OR10V1: variants seen among roughly 807,000 people sequenced by gnomAD.
The protein encoded by OR10V1 is olfactory receptor 10V1.
For missense variants in OR10V1, 391 were observed against 378.8 expected (o/e 1.03, Z -0.27); for synonymous variants, 139 against 148.2 (o/e 0.94, Z 0.45).
Position 59,713,813 on chromosome 11 carries a change from C to T in OR10V1, c.33G>A (p.Gln11=). 6.2e-7 allele frequency: 1 copy of T among 1,613,160 alleles called. No individual in the cohort carries two copies. Among genetic ancestry groups the T allele is most frequent in the Non-Finnish European group, 8.5e-7 (1 of 1,179,610 alleles). Residue 11 remains glutamine, a synonymous_variant, in exon 1 of 1, where the codon CAG becomes CAA. Coordinates refer to ENST00000307552, the MANE Select transcript of OR10V1 (RefSeq NM_001005324.1). MEGINKTAKM[Q]FFFRPFSPDP... is the part of the protein sequence containing the mutation. ...CAGGTGAGAATGGACGAAAGAAAAA[C>T]TGCATCTTTGCAGTTTTATTTATTC...
chr11:59,713,084 G>A lies in OR10V1; in HGVS notation c.762C>T (p.Gly254=). The stretch of plus-strand genomic sequence containing the variant: ...GGGACAAGTATATAAAGCTGGTGCA[G>A]CCATACTGCAGGAGGACCACTAAGA... ...SHILVVLLQY[G]CTSFIYLSPS... The change falls in exon 1 of 1, where the codon GGC becomes GGT. Residue 254 remains glycine, a synonymous_variant. Coordinates refer to ENST00000307552, the MANE Select transcript of OR10V1 (RefSeq NM_001005324.1). 6.2e-7 allele frequency: 1 copy of A among 1,614,132 alleles called. No homozygotes were observed. The highest frequency in any genetic ancestry group is 1.3e-5 in the African/African-American group (1 of 75,050).
In OR10V1 at chr11:59,713,211, A is replaced by G. The variant is rs369501181; in HGVS notation, c.635T>C (p.Leu212Pro). Reference sequence around the variant, plus strand: ...GACATAGGAGATGGAGATCAATGAGAGGGGGATGCTAAGGACGATGAAGCT... The same window carrying G: ...GACATAGGAGATGGAGATCAATGAGGGGGGGATGCTAAGGACGATGAAGCT... ...IISFIVLSIP[L>P]SLISISYVFI... Residue 212 changes from leucine to proline, a missense_variant, in exon 1 of 1, where the codon CTC becomes CCC. Transcript: ENST00000307552. The G allele has an allele frequency of 1.6e-5, 26 of 1,613,952 alleles. No homozygotes were observed. Among genetic ancestry groups the G allele is most frequent in the Admixed American group, 5.0e-5 (3 of 59,984 alleles).
At position 59,713,824 on chromosome 11, in the gene OR10V1, C is replaced by T; in HGVS notation, c.22G>A (p.Ala8Thr). The T allele has an allele frequency of 6.2e-7, 1 of 1,612,048 alleles. No individual in the cohort carries two copies. The highest frequency in any genetic ancestry group is 1.3e-5 in the African/African-American group (1 of 74,936). MEGINKT[A>T]KMQFFFRPFS... ...GGACGAAAGAAAAACTGCATCTTTG[C>T]AGTTTTATTTATTCCTTCCATGAGT... The change falls in exon 1 of 1, where the codon GCA becomes ACA. Residue 8 changes from alanine (A) to threonine (T), a missense_variant. By Grantham distance (58) the Ala-to-Thr change is moderately conservative. Transcript: ENST00000307552.
Position 59,713,587 on chromosome 11 carries a change from A to G in OR10V1, c.259T>C (p.Ser87Pro). The G allele has an allele frequency of 6.2e-7, 1 of 1,614,182 alleles. No individual in the cohort carries two copies. The highest frequency in any genetic ancestry group is 8.5e-7 in the Non-Finnish European group (1 of 1,180,038). The change falls in exon 1 of 1, where the codon TCA (serine) becomes CCA (proline). Residue 87 changes from serine to proline, a missense_variant. By Grantham distance (74) the Ser-to-Pro change is moderately conservative (BLOSUM62 -1). Transcript: ENST00000307552. The part of the protein sequence containing the change: ...ITPLALANLL[S>P]MGKTPVSITG... ...ATGGAAACAGGAGTTTTGCCCATTG[A>G]AAGGAGGTTTGCCAAGGCCAATGGG...
rs368528576 is a variant in OR10V1, at chr11:59,713,006, T to C, written c.840A>G (p.Thr280=). 2.0e-5 allele frequency: 33 copies of C among 1,614,120 alleles called. No individual in the cohort carries two copies. In the African/African-American group the frequency reaches 4.3e-4, roughly 21 times the overall value. ...AGGGGTTTAAAATGGGAGTGATAAATGTGTAGGCCACAGATACCACCCGGC... is the reference window on the plus strand; with the variant it reads ...AGGGGTTTAAAATGGGAGTGATAAACGTGTAGGCCACAGATACCACCCGGC... ...EMGRVVSVAY[T]FITPILNPLI... Residue 280 remains threonine, a synonymous_variant, in exon 1 of 1, where the codon ACA becomes ACG. Transcript: ENST00000307552.
Position 59,713,157 on chromosome 11 carries a change from C to G in OR10V1, c.689G>C (p.Arg230Pro). Reference protein sequence around the residue: ...VFIVVAILRIRSAEGRQQAYS... With the variant: ...VFIVVAILRIPSAEGRQQAYS... ...GGCTTGCTGGCGCCCTTCTGCTGAC[C>G]GGATCCGTAAAATGGCTACCACGAT... The change falls in exon 1 of 1, where the codon CGG becomes CCG. Residue 230 changes from arginine to proline, a missense_variant. Arg to Pro is a moderately radical substitution (Grantham distance 103). Coordinates refer to ENST00000307552, the MANE Select transcript of OR10V1 (RefSeq NM_001005324.1). 6.2e-7 allele frequency: 1 copy of G among 1,613,960 alleles called. No individual in the cohort carries two copies. The highest frequency in any genetic ancestry group is 8.5e-7 in the Non-Finnish European group (1 of 1,179,994).
rs746835667 is a variant in OR10V1, at chr11:59,712,939, T to G, written c.907A>C (p.Arg303=). The change falls in exon 1 of 1, where the codon AGG becomes CGG. Residue 303 remains arginine (R), a synonymous_variant. Coordinates refer to ENST00000307552, the MANE Select transcript of OR10V1 (RefSeq NM_001005324.1). ...LRNKELKDAL[R]KALRKF is the part of the protein sequence containing the mutation. ...ACCTAGAATTTTCTCAATGCTTTCC[T>G]TAGGGCATCTTTCAGTTCCTTGTTC... is the stretch of plus-strand genomic sequence containing the variant. The G allele has an allele frequency of 6.2e-7, 1 of 1,613,310 alleles. No individual in the cohort carries two copies. Among genetic ancestry groups the G allele is most frequent in the South Asian group, 1.1e-5 (1 of 90,980 alleles).
rs764027988 is a variant in OR10V1, at chr11:59,713,826, G to A, written c.20C>T (p.Thr7Ile). MEGINK[T>I]AKMQFFFRPF... ...ACGAAAGAAAAACTGCATCTTTGCA[G>A]TTTTATTTATTCCTTCCATGAGTAG... The change falls in exon 1 of 1, where the codon ACT (threonine) becomes ATT (isoleucine). Residue 7 changes from threonine (T) to isoleucine (I), a missense_variant. Thr to Ile is a moderately conservative substitution (Grantham distance 89). Coordinates refer to ENST00000307552, the MANE Select transcript of OR10V1 (RefSeq NM_001005324.1). 11 of 1,611,552 alleles carry A rather than the reference G, an allele frequency of 6.8e-6. No individual in the cohort carries two copies. The highest frequency in any genetic ancestry group is 9.3e-6 in the Non-Finnish European group (11 of 1,178,718).
rs748731277 is a variant in OR10V1, at chr11:59,713,135, T to G, written c.711A>C (p.Gln237His). The G allele has an allele frequency of 1.2e-6, 2 of 1,614,050 alleles. No homozygotes were observed. The highest frequency in any genetic ancestry group is 1.7e-6 in the Non-Finnish European group (2 of 1,179,992). Residue 237 changes from glutamine to histidine, a missense_variant, in exon 1 of 1, where the codon CAA becomes CAC. Transcript: ENST00000307552. The stretch of plus-strand genomic sequence containing the variant: ...TGTGAGAAGAGCAGGTAGAGTAGGC[T>G]TGCTGGCGCCCTTCTGCTGACCGGA... ...LRIRSAEGRQ[Q>H]AYSTCSSHIL...
Position 59,713,530 on chromosome 11 carries a change from CAAAG to C in OR10V1, c.312_315del (p.Phe104LeufsTer13). On this transcript the variant is annotated frameshift_variant, in exon 1 of 1. Transcript: ENST00000307552. LOFTEE classifies it low-confidence loss of function (END_TRUNC). The stretch of plus-strand genomic sequence containing the variant: ...ACACAATCAGCCCCACCCAAGAAGA[CAAAG>C]AAAAACATCTGGGTGCCACATCCCG... 2.5e-6 allele frequency: 4 copies of C among 1,614,078 alleles called. No individual in the cohort carries two copies. The highest frequency in any genetic ancestry group is 1.6e-4 in the Middle Eastern group (1 of 6,062).
Position 59,713,229 on chromosome 11 carries a change from A to G in OR10V1, c.617T>C (p.Ile206Thr), listed in dbSNP as rs781727979. 1.2e-6 allele frequency: 2 copies of G among 1,614,028 alleles called. No homozygotes were observed. Among genetic ancestry groups the G allele is most frequent in the Non-Finnish European group, 1.7e-6 (2 of 1,180,044 alleles). The change falls in exon 1 of 1, where the codon ATC becomes ACC. Residue 206 changes from isoleucine to threonine, a missense_variant. By Grantham distance (89) the Ile-to-Thr change is moderately conservative (BLOSUM62 -1). Transcript: ENST00000307552. ...CAATGAGAGGGGGATGCTAAGGACGATGAAGCTGATGATATACAGAGCAGT... is the reference window on the plus strand; with the variant it reads ...CAATGAGAGGGGGATGCTAAGGACGGTGAAGCTGATGATATACAGAGCAGT... ...HKTALYIISF[I>T]VLSIPLSLIS... is the part of the protein sequence containing the mutation.
rs1248408019 is a variant in OR10V1, at chr11:59,713,636, T to C, written c.210A>G (p.Glu70=). The change falls in exon 1 of 1, where the codon GAA becomes GAG. Residue 70 remains glutamate (E), a synonymous_variant. Coordinates refer to ENST00000307552, the MANE Select transcript of OR10V1 (RefSeq NM_001005324.1). ...GGGTGATGGAAGATGTATAGAAGAT[T>C]TCTAGAACTGCCAGATTAGCCAGGA... is the stretch of plus-strand genomic sequence containing the variant. ...YFFLANLAVL[E]IFYTSSITPL... The C allele has an allele frequency of 6.2e-7, 1 of 1,613,846 alleles. No individual in the cohort carries two copies. The highest frequency in any genetic ancestry group is 1.3e-5 in the African/African-American group (1 of 74,862).
In OR10V1 at chr11:59,713,277, C is replaced by T; in HGVS notation, c.569G>A (p.Cys190Tyr). The T allele has an allele frequency of 6.2e-7, 1 of 1,614,140 alleles. No individual in the cohort carries two copies. Among genetic ancestry groups the T allele is most frequent in the Non-Finnish European group, 8.5e-7 (1 of 1,180,016 alleles). Reference sequence around the variant, plus strand: ...AGTCTTGTGAACGCGTGTGTCTGCACAAGCCAGGCGCATGACTGCAGGCAT... The same window carrying T: ...AGTCTTGTGAACGCGTGTGTCTGCATAAGCCAGGCGCATGACTGCAGGCAT... ...CDMPAVMRLA[C>Y]ADTRVHKTAL... is the part of the protein sequence containing the mutation. Residue 190 changes from cysteine (C) to tyrosine (Y), a missense_variant, in exon 1 of 1, where the codon TGT (cysteine) becomes TAT (tyrosine). Cys to Tyr is a radical substitution (Grantham distance 194). Transcript: ENST00000307552.
In OR10V1 at chr11:59,713,337, C is replaced by T. The variant is rs1284709603; in HGVS notation, c.509G>A (p.Cys170Tyr). The T allele has an allele frequency of 6.2e-7, 1 of 1,613,534 alleles. No homozygotes were observed. The highest frequency in any genetic ancestry group is 1.3e-5 in the African/African-American group (1 of 74,732). The change falls in exon 1 of 1, where the codon TGC becomes TAC. Residue 170 changes from cysteine (C) to tyrosine (Y), a missense_variant. By Grantham distance (194) the Cys-to-Tyr change is radical (BLOSUM62 -2). Transcript: ENST00000307552. ...GAAGTGGTAGATCTCATCATTGTGG[C>T]AGAATGGGAGATGGAAGATTAAAAT... is the stretch of plus-strand genomic sequence containing the variant. ...LTILIFHLPF[C>Y]HNDEIYHFYC...
rs779773134 is a variant in OR10V1 at position 59,712,933 on chromosome 11, C to G, written c.913G>C (p.Ala305Pro). The G allele has an allele frequency of 1.2e-6, 2 of 1,611,700 alleles. No homozygotes were observed. Among genetic ancestry groups the G allele is most frequent in the Admixed American group, 1.7e-5 (1 of 59,778 alleles). Residue 305 changes from alanine (A) to proline (P), a missense_variant, in exon 1 of 1, where the codon GCA (alanine) becomes CCA (proline). By Grantham distance (27) the Ala-to-Pro change is conservative (BLOSUM62 -1). Transcript: ENST00000307552. ...CATCCTACCTAGAATTTTCTCAATG[C>G]TTTCCTTAGGGCATCTTTCAGTTCC... is the stretch of plus-strand genomic sequence containing the variant. Reference protein sequence around the residue: ...NKELKDALRKALRKF With the variant: ...NKELKDALRKPLRKF
Position 59,713,610 on chromosome 11 carries a change from G to A in OR10V1, c.236C>T (p.Pro79Leu), listed in dbSNP as rs2076089272. 6.2e-7 allele frequency: 1 copy of A among 1,614,050 alleles called. No homozygotes were observed. Among genetic ancestry groups the A allele is most frequent in the Admixed American group, 1.7e-5 (1 of 59,988 alleles). ...LEIFYTSSIT[P>L]LALANLLSMG... Reference sequence around the variant, plus strand: ...TGAAAGGAGGTTTGCCAAGGCCAATGGGGTGATGGAAGATGTATAGAAGAT... The same window carrying A: ...TGAAAGGAGGTTTGCCAAGGCCAATAGGGTGATGGAAGATGTATAGAAGAT... Residue 79 changes from proline (P) to leucine (L), a missense_variant, in exon 1 of 1, where the codon CCA (proline) becomes CTA (leucine). By Grantham distance (98) the Pro-to-Leu change is moderately conservative. Transcript: ENST00000307552.
Position 59,713,813 on chromosome 11 carries a change from C to A in OR10V1, c.33G>T (p.Gln11His). 6.2e-7 allele frequency: 1 copy of A among 1,613,160 alleles called. No individual in the cohort carries two copies. The highest frequency in any genetic ancestry group is 1.7e-5 in the Admixed American group (1 of 59,856). The change falls in exon 1 of 1, where the codon CAG (glutamine) becomes CAT (histidine). Residue 11 changes from glutamine (Q) to histidine (H), a missense_variant. Gln to His is a conservative substitution (Grantham distance 24, BLOSUM62 0). Coordinates refer to ENST00000307552, the MANE Select transcript of OR10V1 (RefSeq NM_001005324.1). MEGINKTAKM[Q>H]FFFRPFSPDP... is the part of the protein sequence containing the mutation. ...CAGGTGAGAATGGACGAAAGAAAAA[C>A]TGCATCTTTGCAGTTTTATTTATTC...
In OR10V1 at chr11:59,713,776, G is replaced by A. The variant is rs1862208403; in HGVS notation, c.70C>T (p.Gln24Ter). The change falls in exon 1 of 1, where the codon CAG becomes TAG. Residue 24 changes from glutamine (Q) to a stop codon, truncating the protein, a stop_gained. Transcript: ENST00000307552. LOFTEE classifies it low-confidence loss of function (END_TRUNC). ...AGGAAGACCACAAAAATCAGCATCT[G>A]GACCTCAGGGTCAGGTGAGAATGGA... ...FRPFSPDPEV[Q>*]MLIFVVFLMM... The A allele has an allele frequency of 1.2e-6, 2 of 1,613,912 alleles. No individual in the cohort carries two copies. Among genetic ancestry groups the A allele is most frequent in the Non-Finnish European group, 1.7e-6 (2 of 1,179,952 alleles).
chr11:59,713,729 G>C lies in OR10V1; in HGVS notation c.117C>G (p.Leu39=), dbSNP rs778530423. The change falls in exon 1 of 1, where the codon CTC becomes CTG. Residue 39 remains leucine (L), a synonymous_variant. Transcript: ENST00000307552. ...VVFLMMYLTS[L]GGNATIAVIV... is the part of the protein sequence containing the mutation. The stretch of plus-strand genomic sequence containing the variant: ...TGACTGCAATTGTAGCATTTCCACC[G>C]AGGCTGGTCAGATACATCATCAGGA... 1 of 1,613,998 alleles carries C rather than the reference G, an allele frequency of 6.2e-7. No individual in the cohort carries two copies. Among genetic ancestry groups the C allele is most frequent in the African/African-American group, 1.3e-5 (1 of 74,920 alleles).
Sources: gnomAD v4.1 joint callset for allele counts on GRCh38, gnomAD v4.1.1 for gene constraint, MANE v1.5 for transcripts, NCBI Gene and HGNC (gene_info 2026-07-23, HGNC 2026-07-21) for gene names.